KCTD10: variants seen among roughly 807,000 people sequenced by gnomAD.
KCTD10 encodes the protein BTB/POZ domain-containing adapter for CUL3-mediated RhoA degradation protein 3.
Under a neutral mutation model 34.6 loss-of-function variants are expected in KCTD10, and 13 were observed. The ratio of observed to expected loss-of-function variants is 0.38; its 90% confidence interval spans 0.24 to 0.60. The LOEUF (loss-of-function observed/expected upper bound fraction) is 0.60, where lower values mean the gene tolerates loss of function less well. Ranked by LOEUF, KCTD10 falls within the 20% of genes least tolerant of loss-of-function variation. The pLI, the probability that KCTD10 is intolerant of heterozygous loss-of-function variation, is 0.66. For missense variants in KCTD10, 256 were observed against 420.3 expected, an observed-to-expected ratio of 0.61 and a Z score of 3.42; for synonymous variants, 156 against 168.8, an observed-to-expected ratio of 0.92 and a Z score of 0.59.
At chr12:109,453,484 T>C (rs942550506) in intron 6 of KCTD10, among the ~76,000 whole-genome samples, 9 of 152,176 alleles carry the variant, frequency 5.9e-5, no homozygotes, top group African/African-American at 1.4e-4. Context: ...TGAGCCACCA[T>C]GCTCAGTCCT....
At chr12:109,470,006 C>T in intron 1 of KCTD10, 4 of 1,234,100 alleles carry the variant, frequency 3.2e-6, no homozygotes, top group Non-Finnish European at 4.1e-6. Context: ...CCTAGTTTGT[C>T]CCAAAACCCA....
chr12:109,455,329 T>C (rs35018715), intron 6 of KCTD10: 25,739 of 151,948 alleles, frequency 0.17, 2,232 homozygotes, highest in African/African-American at 0.18. Context: ...TGACGTGGCG[T>C]GATGGCACAG....
chr12:109,461,276 C>G (rs895476781), intron 2 of KCTD10, among the ~76,000 whole-genome samples: 2 of 152,236 alleles, frequency 1.3e-5, no homozygotes, highest in African/African-American at 4.8e-5. Flanking sequence ...ACGCACAAGT[C>G]TCACCCTCGC....
At chr12:109,463,952 C>T (rs1481020190) in intron 2 of KCTD10, among the ~76,000 whole-genome samples, 1 of 152,164 alleles carries the variant, frequency 6.6e-6, no homozygotes, top group Non-Finnish European at 1.5e-5. Context: ...GTTCCAGCCC[C>T]CAGGATGGAG....
chr12:109,460,619 G>C lies in KCTD10; in HGVS notation c.387+17C>G. ...TGGTGCCTCTCCACCCATATGGGAA[G>C]AAAGGGTGATGCCTACTTGTAGGGC... On this transcript the variant is annotated intron_variant, in intron 3 of 6. Transcript: ENST00000228495. This position sits in a 1 kb window ranked among gnomAD's most constrained non-coding sequence, Gnocchi z 4.5. 6.2e-7 allele frequency: 1 copy of C among 1,609,734 alleles called. No individual in the cohort carries two copies. Among genetic ancestry groups the C allele is most frequent in the Non-Finnish European group, 8.5e-7 (1 of 1,177,108 alleles).
chr12:109,469,274 G>A, intron 2 of KCTD10: 1 of 534,952 alleles, frequency 1.9e-6, no homozygotes, highest in Non-Finnish European at 3.3e-6. Context: ...TCTCCCCCAG[G>A]CTTGAGTTTC....
At chr12:109,454,541 C>A (rs529787742) in intron 6 of KCTD10, among the ~76,000 whole-genome samples, 22 of 152,218 alleles carry the variant, frequency 1.4e-4, no homozygotes, top group Admixed American at 5.2e-4. Flanking sequence ...CCAGCCTGGG[C>A]AACATAGTGA....
chr12:109,466,119 CCA>C, intron 2 of KCTD10, among the ~76,000 whole-genome samples: 1 of 152,270 alleles, frequency 6.6e-6, no homozygotes, highest in Middle Eastern at 3.4e-3. Flanking sequence ...ATGCTCACTG[CCA>C]CAGTGTCCTT....
chr12:109,466,016 C>T (rs918302504), intron 2 of KCTD10, among the ~76,000 whole-genome samples: 3 of 152,220 alleles, frequency 2.0e-5, no homozygotes, highest in African/African-American at 7.2e-5. Flanking sequence ...GTGCTACCTA[C>T]ATCCGTGGAC....
Position 109,451,740 on chromosome 12 carries a change from C to G in KCTD10, c.797G>C (p.Gly266Ala). ...ILLYEAQDGR[G>A]PDNALLEATG... Reference sequence around the variant, plus strand: ...GGCCTCCAGGAGCGCATTGTCAGGTCCCCGGCCATCCTGGGCCTCATACAG... The same window carrying G: ...GGCCTCCAGGAGCGCATTGTCAGGTGCCCGGCCATCCTGGGCCTCATACAG... Residue 266 changes from glycine to alanine, a missense_variant, in exon 7 of 7, where the codon GGA becomes GCA. Gly to Ala is a moderately conservative substitution (Grantham distance 60). Transcript: ENST00000228495. The surrounding 1 kb of genome is among the most constrained non-coding windows in gnomAD (Gnocchi z 5.0). 6.2e-7 allele frequency: 1 copy of G among 1,614,128 alleles called. No individual in the cohort carries two copies. The highest frequency in any genetic ancestry group is 8.5e-7 in the Non-Finnish European group (1 of 1,180,002).
rs1873004846 is a variant in KCTD10, at chr12:109,456,106, C to T, written c.723+12G>A. The T allele has an allele frequency of 3.7e-6, 6 of 1,613,956 alleles. No individual in the cohort carries two copies. The highest frequency in any genetic ancestry group is 1.1e-5 in the South Asian group (1 of 91,034). ...GAACAGCCACTCCAAACTGTCCTCT[C>T]GAGGCTCTTACCTTGGTCTGTTTCT... is the stretch of plus-strand genomic sequence containing the variant. On this transcript the variant is annotated intron_variant, in intron 6 of 6. Coordinates refer to ENST00000228495, the MANE Select transcript of KCTD10 (RefSeq NM_031954.5).
intron 1 of KCTD10, among the ~76,000 whole-genome samples, chr12:109,474,689 A>T (rs1874063139): frequency 6.6e-6 from 1 of 152,214 alleles, no homozygotes. Context: ...CACATTAAAA[A>T]CAAACCAAAA....
At chr12:109,476,799 C>T (rs1324212834) in intron 1 of KCTD10, among the ~76,000 whole-genome samples, 1 of 152,120 alleles carries the variant, frequency 6.6e-6, no homozygotes, top group Non-Finnish European at 1.5e-5. Flanking sequence ...AAACGCCAAA[C>T]GCTCCGCCCC....
At position 109,450,375 on chromosome 12, in the gene KCTD10, GCACACGTCCCCACCCACAGT is replaced by G. The variant is rs1872712399; in HGVS notation, c.*1200_*1219del. The G allele has an allele frequency of 1.3e-5, 5 of 398,986 alleles. No homozygotes were observed. The highest frequency in any genetic ancestry group is 1.8e-5 in the Non-Finnish European group (4 of 226,316). 24.7% of individuals were successfully genotyped at this position (398,986 alleles called of 1,614,324 possible). A position where few individuals can be genotyped will look rare whatever the true frequency, so the allele number is the denominator to read the frequency against. On this transcript the variant is annotated 3_prime_UTR_variant, in exon 7 of 7. Transcript: ENST00000228495. ...AGGGGCCGCCACCTGTGCCCCACAA[GCACACGTCCCCACCCACAGT>G]CACACATATCCCTTAAACAAACATG...
rs1158541727 is a variant in KCTD10 at position 109,451,220 on chromosome 12, G to A, written c.*375C>T. On this transcript the variant is annotated 3_prime_UTR_variant, in exon 7 of 7. Transcript: ENST00000228495. The surrounding 1 kb of genome is among the most constrained non-coding windows in gnomAD (Gnocchi z 5.0). Reference sequence around the variant, plus strand: ...ATTGTCAAACTGAACCCTTAAGGGAGTGTCACCCAAAAAGCCCACATAGGA... The same window carrying A: ...ATTGTCAAACTGAACCCTTAAGGGAATGTCACCCAAAAAGCCCACATAGGA... 1 of 179,952 alleles carries A rather than the reference G, an allele frequency of 5.6e-6. No individual in the cohort carries two copies. The highest frequency in any genetic ancestry group is 2.4e-5 in the African/African-American group (1 of 42,280). The allele number at this position is 179,952 out of a possible 1,614,324, so 11.1% of individuals were successfully genotyped here.
chr12:109,468,151 T>C (rs547027397), intron 2 of KCTD10, among the ~76,000 whole-genome samples: 2 of 152,242 alleles, frequency 1.3e-5, no homozygotes, highest in Admixed American at 6.5e-5. Context: ...AAGTGTGAGA[T>C]GGCAGCTTTG....
At chr12:109,467,821 G>C (rs1196853064) in intron 2 of KCTD10, among the ~76,000 whole-genome samples, 1 of 152,078 alleles carries the variant, frequency 6.6e-6, no homozygotes, top group African/African-American at 2.4e-5. Flanking sequence ...AAGGTGAGCA[G>C]TCCTGCCAGT....
chr12:109,471,320 T>C (rs2135680371), intron 1 of KCTD10: 1 of 985,342 alleles, frequency 1.0e-6, no homozygotes, highest in Non-Finnish European at 1.2e-6. Flanking sequence ...TCTGGCCAAC[T>C]CTCCCCAACT....
At chr12:109,458,342 C>A in intron 3 of KCTD10, 1 of 382,256 alleles carries the variant, frequency 2.6e-6, no homozygotes, top group South Asian at 5.0e-5. Flanking sequence ...CCCAGGAAGC[C>A]ACTCAAAAAT....
Sources: allele counts gnomAD v4.1 joint callset (sites outside exome capture counted in the v4.1 genomes callset), GRCh38; gene constraint gnomAD v4.1.1; non-coding constraint Gnocchi (gnomAD v3.1); transcripts MANE v1.5; gene names NCBI Gene and HGNC (gene_info 2026-07-23, HGNC 2026-07-21).